The following MAP3K8 variants were observed in gnomAD, a reference collection of about 807,000 sequenced individuals.
The protein encoded by MAP3K8 is Ewing sarcoma transformant.
A neutral mutation model predicts 45.8 loss-of-function variants in MAP3K8; 22 were observed. The ratio of observed to expected loss-of-function variants is 0.48; its 90% CI spans 0.34 to 0.69. The LOEUF (loss-of-function observed/expected upper bound fraction) is 0.69. Ranked by LOEUF, MAP3K8 falls within the 30% of genes least tolerant of loss-of-function variation. The pLI is 0.01. For missense variants in MAP3K8, 419 were observed against 585.0 expected (o/e 0.72, Z 2.93); for synonymous variants, 223 against 214.3 (o/e 1.04, Z -0.36).
chr10:30,446,673 A>G (rs1836351759), intron 3 of MAP3K8, among the ~76,000 whole-genome samples: 2 of 152,174 alleles, frequency 1.3e-5, no homozygotes, highest in Admixed American at 6.5e-5. Context: ...TGGACATGTT[A>G]CAGGCACGCG....
At chr10:30,440,465 A>G (rs2132785548) in intron 3 of MAP3K8, among the ~76,000 whole-genome samples, 1 of 152,312 alleles carries the variant, frequency 6.6e-6, no homozygotes, top group East Asian at 1.9e-4. Context: ...AGAGTAATTT[A>G]GGTCAGGTAT....
intron 1 of MAP3K8, among the ~76,000 whole-genome samples, chr10:30,435,573 AG>A (rs1311048846): frequency 2.1e-5 from 2 of 93,588 alleles, no homozygotes; most frequent in Non-Finnish European, 3.6e-5. Flanking sequence ...TTTTTTTGAG[AG>A]GGGGTTTCAC....
chr10:30,447,720 G>A, intron 3 of MAP3K8, 62 bp from the exon 4 acceptor site: 1 of 1,264,828 alleles, frequency 7.9e-7, no homozygotes, highest in Admixed American at 1.9e-5. Flanking sequence ...CTAATAGGTG[G>A]GTCTTAGAAA....
At chr10:30,443,603 A>G (rs997005270) in intron 3 of MAP3K8, among the ~76,000 whole-genome samples, 1 of 152,236 alleles carries the variant, frequency 6.6e-6, no homozygotes, top group Non-Finnish European at 1.5e-5. Context: ...TGTGATCAGC[A>G]GAGTGGGACA....
chr10:30,459,157 G>A, intron 7 of MAP3K8, 98 bp from the exon 8 acceptor site: 1 of 1,349,810 alleles, frequency 7.4e-7, no homozygotes, highest in Non-Finnish European at 1.0e-6. Flanking sequence ...GCATGTGGTG[G>A]AAAACGGATT....
chr10:30,446,705 A>T (rs1389049542), intron 3 of MAP3K8, among the ~76,000 whole-genome samples: 1 of 152,078 alleles, frequency 6.6e-6, no homozygotes, highest in Non-Finnish European at 1.5e-5. Context: ...ATTTCCCATG[A>T]ACTACCATAT....
At position 30,460,851 on chromosome 10, in the gene MAP3K8, G is replaced by C; in HGVS notation, c.*15G>C. The C allele has an allele frequency of 1.2e-6, 2 of 1,612,578 alleles. No individual in the cohort carries two copies. The highest frequency in any genetic ancestry group is 1.7e-6 in the Non-Finnish European group (2 of 1,179,912). Reference sequence around the variant, plus strand: ...AATATGGCTGAAGGATGCCATGTTTGCTCTAAATTAAGACAGCATTGATCT... The same window carrying C: ...AATATGGCTGAAGGATGCCATGTTTCCTCTAAATTAAGACAGCATTGATCT... On this transcript the variant is annotated 3_prime_UTR_variant, in exon 9 of 9. Coordinates refer to ENST00000263056, the MANE Select transcript of MAP3K8 (RefSeq NM_005204.4).
At chr10:30,444,057 G>A (rs1202452884) in intron 3 of MAP3K8, among the ~76,000 whole-genome samples, 1 of 151,838 alleles carries the variant, frequency 6.6e-6, no homozygotes, top group Non-Finnish European at 1.5e-5. Flanking sequence ...AGGTGAGGTG[G>A]CACACACGTG....
At chr10:30,456,089 G>A (rs977376416) in intron 6 of MAP3K8, among the ~76,000 whole-genome samples, 33 of 152,200 alleles carry the variant, frequency 2.2e-4, no homozygotes, top group African/African-American at 6.3e-4. Context: ...TGGGCACTCC[G>A]CCCAATCCTT....
intron 8 of MAP3K8, among the ~76,000 whole-genome samples, chr10:30,460,174 T>G (rs1250923776): frequency 2.0e-5 from 3 of 152,124 alleles, no homozygotes; most frequent in Non-Finnish European, 4.4e-5. Flanking sequence ...CCCCAGTCCT[T>G]GGTGGGGGAA....
chr10:30,436,385 G>A (rs1025359238), intron 1 of MAP3K8, among the ~76,000 whole-genome samples: 1 of 152,220 alleles, frequency 6.6e-6, no homozygotes, highest in Middle Eastern at 3.4e-3. Context: ...GCGTGACAGG[G>A]GCCCTGTGTT....
rs1157069789 is a variant in MAP3K8, at chr10:30,459,949, T to A, written c.1273+448T>A. Among the ~76,000 whole-genome samples the A allele has an allele frequency of 2.0e-5, 3 of 152,080 alleles. No individual in the cohort carries two copies. The East Asian group carries it at 5.8e-4, about 29-fold the overall frequency. On this transcript the variant is annotated intron_variant, in intron 8 of 8. Transcript: ENST00000263056. ...CCTCTGCCTCCCGGTTTCAAGTGAT[T>A]CTCATGCCTCAGCCTCCTGAGTAGC...
At chr10:30,450,193 A>G (rs1323234533) in intron 4 of MAP3K8, 65 bp from the exon 5 acceptor site, 9 of 1,468,714 alleles carry the variant, frequency 6.1e-6, no homozygotes, top group Admixed American at 2.2e-5. Flanking sequence ...GCATTGACCT[A>G]TATTTTATAT....
At chr10:30,437,091 C>T in intron 1 of MAP3K8, 85 bp from the exon 2 acceptor site, 1 of 785,438 alleles carries the variant, frequency 1.3e-6, no homozygotes. Context: ...CCCCCTCACT[C>T]TAGATTTCAC....
Position 30,458,276 on chromosome 10 carries a change from G to GT in MAP3K8, c.1026+40_1026+41insT, listed in dbSNP as rs748869644. ...ACCAGGGCTGGGGGCGGCGGGGGGG[G>GT]GCGTTGAGTTATGCATCCCGCAGGC... On this transcript the variant is annotated intron_variant, in intron 7 of 8. Transcript: ENST00000263056. 7.4e-6 allele frequency: 10 copies of GT among 1,358,680 alleles called. 2 individuals are homozygous for GT. In the East Asian group the frequency reaches 1.7e-4, roughly 22 times the overall value. 84.2% of individuals were successfully genotyped at this position (1,358,680 alleles called of 1,614,324 possible). A position where few individuals can be genotyped will look rare whatever the true frequency, so the allele number is the denominator to read the frequency against.
chr10:30,435,981 C>T (rs1301353382), intron 1 of MAP3K8, among the ~76,000 whole-genome samples: 1 of 152,178 alleles, frequency 6.6e-6, no homozygotes, highest in Non-Finnish European at 1.5e-5. Flanking sequence ...ATGGAGGCAG[C>T]CAAGAGTATT....
At chr10:30,443,964 A>G (rs893134148) in intron 3 of MAP3K8, among the ~76,000 whole-genome samples, 2 of 151,782 alleles carry the variant, frequency 1.3e-5, no homozygotes, top group African/African-American at 2.4e-5. Flanking sequence ...CTGAGGCCAG[A>G]GGATCACTTG....
intron 3 of MAP3K8, among the ~76,000 whole-genome samples, chr10:30,444,464 A>G (rs1588772741): frequency 6.6e-6 from 1 of 152,124 alleles, no homozygotes; most frequent in South Asian, 2.1e-4. Context: ...ACTCCATCAC[A>G]ATAAAATAAA....
chr10:30,459,841 CT>C (rs919255649), intron 8 of MAP3K8, among the ~76,000 whole-genome samples: 5 of 151,186 alleles, frequency 3.3e-5, no homozygotes, highest in East Asian at 3.9e-4. Context: ...TCTTAACTCA[CT>C]TTTTTTTTCT....
Sources: allele counts gnomAD v4.1 joint callset (sites outside exome capture counted in the v4.1 genomes callset), GRCh38; gene constraint gnomAD v4.1.1; transcripts MANE v1.5; gene names NCBI Gene and HGNC (gene_info 2026-07-23, HGNC 2026-07-21).